Variants in DSC2 observed in about 807,000 individuals in gnomAD.
DSC2 encodes desmocollin-2.
Under a neutral mutation model 87.6 loss-of-function variants are expected in DSC2, and 51 were observed. The ratio of observed to expected loss-of-function variants is 0.58; its 90% CI spans 0.46 to 0.74. DSC2 has a LOEUF of 0.74. DSC2 is among the 30% of genes least tolerant of loss of function. The pLI is 0.00. For synonymous variants in DSC2, 383 were observed against 393.2 expected (o/e 0.97, Z 0.31); for missense variants, 1,066 against 1,089.5 (o/e 0.98, Z 0.30).
Position 31,067,730 on chromosome 18 carries a change from G to C in DSC2, c.*285C>G, listed in dbSNP as rs1231744453. ...ATTACATTTTATTGCACTATAAATT[G>C]GCTGTTGTCATTATACCCAAATGTA... is the stretch of plus-strand genomic sequence containing the variant. On this transcript the variant is annotated 3_prime_UTR_variant, in exon 16 of 16. Transcript: ENST00000280904. 1 of 355,912 alleles carries C rather than the reference G, an allele frequency of 2.8e-6. No individual in the cohort carries two copies. Among genetic ancestry groups the C allele is most frequent in the African/African-American group, 2.1e-5 (1 of 47,304 alleles). 22.0% of individuals were successfully genotyped at this position (355,912 alleles called of 1,614,324 possible).
In DSC2 at chr18:31,092,286, A is replaced by C; in HGVS notation, c.169T>G (p.Cys57Gly). The C allele has an allele frequency of 6.2e-7, 1 of 1,613,500 alleles. No homozygotes were observed. Among genetic ancestry groups the C allele is most frequent in the Non-Finnish European group, 8.5e-7 (1 of 1,179,634 alleles). ...KLVGRVNLKE[C>G]FTAANLIHSS... The stretch of plus-strand genomic sequence containing the variant: ...TGAATTAGATTTGCAGCTGTAAAGC[A>C]CTCTTTCAGGTTAACTGTAGAAAAT... Residue 57 changes from cysteine to glycine, a missense_variant, in exon 3 of 16, where the codon TGC becomes GGC. Transcript: ENST00000280904.
chr18:31,069,108 G>C lies in DSC2; in HGVS notation c.2294C>G (p.Ala765Gly). The C allele has an allele frequency of 6.2e-7, 1 of 1,614,126 alleles. No individual in the cohort carries two copies. Among genetic ancestry groups the C allele is most frequent in the Non-Finnish European group, 8.5e-7 (1 of 1,179,990 alleles). ...GFTTQTVGAS[A>G]QGVCGTVGSG... ...TCCCACGGTGCCACAAACTCCCTGA[G>C]CAGAAGCGCCCACAGTTTGGGTTGT... is the stretch of plus-strand genomic sequence containing the variant. The change falls in exon 15 of 16, where the codon GCT becomes GGT. Residue 765 changes from alanine (A) to glycine (G), a missense_variant. Coordinates refer to ENST00000280904, the MANE Select transcript of DSC2 (RefSeq NM_024422.6).
In DSC2 at chr18:31,072,707, A is replaced by G. The variant is rs531293492; in HGVS notation, c.1889-866T>C. On this transcript the variant is annotated intron_variant, in intron 12 of 15. Coordinates refer to ENST00000280904, the MANE Select transcript of DSC2 (RefSeq NM_024422.6). ...CTAGATATACTACTACTCTAAATGC[A>G]GATACCAGGTCCCATAGAATAATCC... Among the ~76,000 whole-genome samples, 237 of 152,314 alleles carry G rather than the reference A, an allele frequency of 1.6e-3. 1 individual carries two copies. The highest frequency in any genetic ancestry group is 5.5e-3 in the African/African-American group (228 of 41,584).
At chr18:31,068,873 A>G (rs757826622) in intron 15 of DSC2, 21 bp downstream of exon 15, 9 of 1,612,514 alleles carry the variant, frequency 5.6e-6, no homozygotes, top group Admixed American at 3.3e-5. Flanking sequence ...ATAGATTTGT[A>G]GGCCACTTAG....
rs760835926 is a variant in DSC2, at chr18:31,067,970, A to T, written c.*45T>A. On this transcript the variant is annotated 3_prime_UTR_variant, in exon 16 of 16. Coordinates refer to ENST00000280904, the MANE Select transcript of DSC2 (RefSeq NM_024422.6). The stretch of plus-strand genomic sequence containing the variant: ...AAATTCTTGGTTTGTAATTTTTTTT[A>T]AAAGTCATAAAGCCACTGGCTTTCA... 7.9e-5 allele frequency: 126 copies of T among 1,589,858 alleles called. 1 individual carries two copies. The highest frequency in any genetic ancestry group is 1.8e-4 in the East Asian group (8 of 44,612).
At chr18:31,074,403 AAG>A (rs895719869) in intron 12 of DSC2, among the ~76,000 whole-genome samples, 86 of 147,218 alleles carry the variant, frequency 5.8e-4, no homozygotes, top group African/African-American at 1.9e-3. Context: ...AAGAGAGAGA[AAG>A]AGAGAAAGAG....
chr18:31,087,578 G>C (rs12968498), intron 6 of DSC2, 91 bp downstream of exon 6: 3 of 1,416,910 alleles, frequency 2.1e-6, no homozygotes, highest in South Asian at 2.3e-5. Context: ...CTTGCTGCTG[G>C]GATACGCTGC....
rs541789206 is a variant in DSC2, at chr18:31,063,289, C to G, written c.*4726G>C. On this transcript the variant is annotated 3_prime_UTR_variant, in exon 16 of 16. Transcript: ENST00000280904. ...GAGGTTGCAGTGAGCCATGATCATG[C>G]CACTGCACTCCAGCCTAGGTGACAG... 6.6e-6 allele frequency: 1 copy of G among 151,052 alleles called. No individual in the cohort carries two copies. Among genetic ancestry groups the G allele is most frequent in the African/African-American group, 2.4e-5 (1 of 40,924 alleles). 9.4% of individuals were successfully genotyped at this position (151,052 alleles called of 1,614,324 possible).
rs771112531 is a variant in DSC2 at position 31,068,090 on chromosome 18, T to C, written c.2631A>G (p.Glu877=). 2 of 1,613,954 alleles carry C rather than the reference T, an allele frequency of 1.2e-6. No homozygotes were observed. The highest frequency in any genetic ancestry group is 1.7e-6 in the Non-Finnish European group (2 of 1,179,996). Residue 877 remains glutamate, a synonymous_variant, in exon 16 of 16, where the codon GAA becomes GAG. Coordinates refer to ENST00000280904, the MANE Select transcript of DSC2 (RefSeq NM_024422.6). ...GSVGCCSERQ[E]EDGLEFLDNL... Reference sequence around the variant, plus strand: ...TATCCAAAAATTCAAGCCCATCTTCTTCTTGTCGTTCACTGCAACAACCTA... The same window carrying C: ...TATCCAAAAATTCAAGCCCATCTTCCTCTTGTCGTTCACTGCAACAACCTA...
At chr18:31,068,340 G>A (rs780268701) in intron 15 of DSC2, 128 bp from the exon 16 acceptor site, 9 of 1,612,212 alleles carry the variant, frequency 5.6e-6, no homozygotes. Context: ...TCCTCTAATG[G>A]ATTCCTATAC....
At chr18:31,080,486 T>C (rs893368712) in intron 9 of DSC2, 134 bp from the exon 10 acceptor site, 2 of 1,057,504 alleles carry the variant, frequency 1.9e-6, no homozygotes, top group Non-Finnish European at 2.7e-6. Context: ...ATGAAACATA[T>C]ATCCAGTGAT....
chr18:31,093,676 T>C (rs916580237), intron 1 of DSC2, 33 bp from the exon 2 acceptor site: 1 of 1,440,722 alleles, frequency 6.9e-7, no homozygotes, highest in South Asian at 1.3e-5. Context: ...ATAAATATTA[T>C]GCATAAAAAG....
intron 8 of DSC2, 91 bp from the exon 9 acceptor site, chr18:31,082,514 A>G: frequency 8.6e-7 from 1 of 1,161,418 alleles, no homozygotes. Flanking sequence ...TCTAATTTCC[A>G]AAGTACTATG....
intron 4 of DSC2, among the ~76,000 whole-genome samples, 156 bp from the exon 5 acceptor site, chr18:31,089,750 C>A (rs1200453776): frequency 2.0e-5 from 3 of 151,838 alleles, no homozygotes; most frequent in African/African-American, 7.3e-5. Context: ...ATAAGAAAGT[C>A]CAATTGAGAA....
rs761123301 is a variant in DSC2, at chr18:31,074,811, G to A, written c.1760C>T (p.Pro587Leu). The change falls in exon 12 of 16, where the codon CCC (proline) becomes CTC (leucine). Residue 587 changes from proline (P) to leucine (L), a missense_variant. By Grantham distance (98) the Pro-to-Leu change is moderately conservative. Coordinates refer to ENST00000280904, the MANE Select transcript of DSC2 (RefSeq NM_024422.6). The part of the protein sequence containing the change: ...IPKKTVIICK[P>L]TMSSAEIVAV... ...AACAATCTCCGCAGATGACATGGTG[G>A]GTTTGCAGATGATCACTGTCTTTTT... 31 of 1,613,924 alleles carry A rather than the reference G, an allele frequency of 1.9e-5. No individual in the cohort carries two copies. Among genetic ancestry groups the A allele is most frequent in the Non-Finnish European group, 2.6e-5 (31 of 1,179,988 alleles).
intron 15 of DSC2, among the ~76,000 whole-genome samples, chr18:31,068,523 C>A: frequency 6.6e-6 from 1 of 152,104 alleles, no homozygotes; most frequent in Non-Finnish European, 1.5e-5. Context: ...AAACTGAAGA[C>A]AAATTGATAT....
At chr18:31,093,389 T>C (rs978164356) in intron 2 of DSC2, among the ~76,000 whole-genome samples, 170 bp downstream of exon 2, 2 of 152,216 alleles carry the variant, frequency 1.3e-5, no homozygotes, top group African/African-American at 4.8e-5. Context: ...GAACATGCAG[T>C]GTTTGATTTT....
intron 3 of DSC2, among the ~76,000 whole-genome samples, chr18:31,091,755 AG>A: frequency 6.6e-6 from 1 of 152,356 alleles, no homozygotes; most frequent in East Asian, 1.9e-4. Flanking sequence ...AATGAATGCG[AG>A]AAAAAAGCTT....
At position 31,069,143 on chromosome 18, in the gene DSC2, C is replaced by T. The variant is rs201086521; in HGVS notation, c.2259G>A (p.Ala753=). 51 of 1,613,988 alleles carry T rather than the reference C, an allele frequency of 3.2e-5. No individual in the cohort carries two copies. The highest frequency in any genetic ancestry group is 2.7e-4 in the Admixed American group (16 of 60,010). ...CCACAGTTTGGGTTGTGAAGCCATT[C>T]GCAGAATACTGAAATGAAAACAATT... ...EAPGDDKVYS[A]NGFTTQTVGA... Residue 753 remains alanine (A), a synonymous_variant, in exon 15 of 16, where the codon GCG becomes GCA. Transcript: ENST00000280904.
Sources: allele counts gnomAD v4.1 joint callset (sites outside exome capture counted in the v4.1 genomes callset), GRCh38; gene constraint gnomAD v4.1.1; transcripts MANE v1.5; gene names NCBI Gene and HGNC (gene_info 2026-07-23, HGNC 2026-07-21).